NCKAP5: variants seen among roughly 807,000 people sequenced by gnomAD.
NCKAP5 encodes NCK associated protein 5, also known as nck-associated protein 5.
A neutral mutation model predicts 167.0 loss-of-function variants in NCKAP5; 92 were observed. The ratio of observed to expected loss-of-function variants is 0.55; its 90% CI spans 0.47 to 0.66. The LOEUF is 0.66. NCKAP5 is among the 30% of genes least tolerant of loss of function. NCKAP5 has a pLI of 0.00. For missense variants in NCKAP5, 2,378 were observed against 2,315.0 expected, an observed-to-expected ratio of 1.03 and a Z score of -0.56; for synonymous variants, 891 against 877.4, an observed-to-expected ratio of 1.02 and a Z score of -0.27.
At chr2:133,249,746 A>G (rs946036768) in intron 4 of NCKAP5, among the ~76,000 whole-genome samples, 34 of 152,154 alleles carry the variant, frequency 2.2e-4, no homozygotes, top group African/African-American at 7.7e-4. Context: ...CTTGAAACCA[A>G]TAACTACAAA....
At chr2:133,048,889 T>C (rs2079501910) in intron 6 of NCKAP5, among the ~76,000 whole-genome samples, 1 of 152,168 alleles carries the variant, frequency 6.6e-6, no homozygotes, top group South Asian at 2.1e-4. Context: ...AGTGTAATCA[T>C]TGGATAAAAG....
Position 133,276,454 on chromosome 2 carries a change from T to C in NCKAP5, c.143+26583A>G, listed in dbSNP as rs556484512. On this transcript the variant is annotated intron_variant, in intron 4 of 19. Transcript: ENST00000409261. The stretch of plus-strand genomic sequence containing the variant: ...TTAAGAGGCAACTTTATAGACGTCA[T>C]ATACATGGAAAAAACTTGAAAACAT... Among the ~76,000 whole-genome samples the C allele has an allele frequency of 1.9e-3, 293 of 152,120 alleles. 1 individual carries two copies. The highest frequency in any genetic ancestry group is 6.8e-3 in the African/African-American group (281 of 41,532).
At chr2:133,087,141 T>C (rs537033267) in intron 6 of NCKAP5, among the ~76,000 whole-genome samples, 1 of 152,214 alleles carries the variant, frequency 6.6e-6, no homozygotes, top group Non-Finnish European at 1.5e-5. Context: ...TTCCTTCTGA[T>C]ACCAAGTTCC....
intron 3 of NCKAP5, among the ~76,000 whole-genome samples, chr2:133,468,921 G>T (rs1692820557): frequency 6.6e-6 from 1 of 152,142 alleles, no homozygotes. Flanking sequence ...CGTAAGATGG[G>T]TTTCCTGAAT....
At chr2:133,239,503 G>A (rs979679388) in intron 4 of NCKAP5, among the ~76,000 whole-genome samples, 1 of 152,132 alleles carries the variant, frequency 6.6e-6, no homozygotes, top group African/African-American at 2.4e-5. Context: ...ACTCTATACA[G>A]GAAGTAGAAA....
In NCKAP5 at chr2:132,728,816, C is replaced by G; in HGVS notation, c.5580G>C (p.Gln1860His). The change falls in exon 18 of 20, where the codon CAG (glutamine) becomes CAC (histidine). Residue 1860 changes from glutamine to histidine, a missense_variant and splice_region_variant. Gln to His is a conservative substitution (Grantham distance 24). Coordinates refer to ENST00000409261, the MANE Select transcript of NCKAP5 (RefSeq NM_207363.3). The part of the protein sequence containing the change: ...WGSEVAATGT[Q>H]DKAPRMCTYS... ...CCCTTCACCTCCCCCGACCCCTCACCTGGGTCCCGGTGGCAGCAACTTCAC... is the reference window on the plus strand; with the variant it reads ...CCCTTCACCTCCCCCGACCCCTCACGTGGGTCCCGGTGGCAGCAACTTCAC... 6.2e-7 allele frequency: 1 copy of G among 1,613,780 alleles called. No homozygotes were observed. The highest frequency in any genetic ancestry group is 8.5e-7 in the Non-Finnish European group (1 of 1,179,800).
intron 16 of NCKAP5, among the ~76,000 whole-genome samples, chr2:132,755,030 T>C (rs1432264830): frequency 1.3e-5 from 2 of 152,240 alleles, no homozygotes; most frequent in Non-Finnish European, 2.9e-5. Context: ...ATTTAGTAAC[T>C]GAAGTGAACT....
chr2:133,182,730 C>T (rs185834541), intron 5 of NCKAP5, among the ~76,000 whole-genome samples: 2 of 151,896 alleles, frequency 1.3e-5, no homozygotes, highest in African/African-American at 4.8e-5. Context: ...CAACTAAATC[C>T]AAAGATGTAG....
intron 4 of NCKAP5, among the ~76,000 whole-genome samples, chr2:133,270,717 G>T (rs1362503557): frequency 6.6e-6 from 1 of 151,992 alleles, no homozygotes; most frequent in Non-Finnish European, 1.5e-5. Flanking sequence ...GCTTGCATAG[G>T]GTGTAACCTT....
At chr2:133,007,275 A>C (rs1409694030) in intron 6 of NCKAP5, among the ~76,000 whole-genome samples, 1 of 152,200 alleles carries the variant, frequency 6.6e-6, no homozygotes, top group Non-Finnish European at 1.5e-5. Context: ...AATGCTATAT[A>C]TGTTGATACT....
At chr2:133,314,964 G>C (rs920746385) in intron 3 of NCKAP5, among the ~76,000 whole-genome samples, 3 of 152,180 alleles carry the variant, frequency 2.0e-5, no homozygotes, top group Admixed American at 6.5e-5. Flanking sequence ...ATGTGTGCCG[G>C]CATGCTGCAG....
chr2:132,784,219 G>C lies in NCKAP5; in HGVS notation c.2592C>G (p.His864Gln), dbSNP rs368192716. Residue 864 changes from histidine to glutamine, a missense_variant, in exon 14 of 20, where the codon CAC becomes CAG. Physicochemically the swap from His to Gln is conservative, Grantham distance 24 (BLOSUM62 0). Around this residue, in one of 3 missense-constraint regions of NCKAP5, gnomAD observed 1,049 missense variants for 1,023.4 expected, o/e 1.02. Transcript: ENST00000409261. Reference sequence around the variant, plus strand: ...GAAGTTGGGCGGAATGTTTTGGAATGTGTGGATCTGATCGTAATTCAAAGA... The same window carrying C: ...GAAGTTGGGCGGAATGTTTTGGAATCTGTGGATCTGATCGTAATTCAAAGA... The part of the protein sequence containing the change: ...GPLFELRSDP[H>Q]IPKHSAQLPH... The C allele has an allele frequency of 7.0e-5, 112 of 1,593,844 alleles. No individual in the cohort carries two copies. Among genetic ancestry groups the C allele is most frequent in the East Asian group, 5.6e-4 (25 of 44,792 alleles).
At chr2:132,741,264 G>C (rs111354496) in intron 16 of NCKAP5, among the ~76,000 whole-genome samples, 1 of 151,954 alleles carries the variant, frequency 6.6e-6, no homozygotes, top group African/African-American at 2.4e-5. Flanking sequence ...ATTTTTGCAA[G>C]TTTTTATAAT....
intron 2 of NCKAP5, among the ~76,000 whole-genome samples, chr2:133,540,493 C>T (rs4953885): frequency 0.011 from 1,725 of 152,166 alleles, 17 homozygotes; most frequent in South Asian, 0.024. Context: ...TAAAAACACA[C>T]GTTTTTACCT....
chr2:133,533,555 A>C (rs148584167), intron 2 of NCKAP5, among the ~76,000 whole-genome samples: 114 of 152,332 alleles, frequency 7.5e-4, no homozygotes, highest in South Asian at 1.5e-3. Context: ...ACACAAAAAA[A>C]CTAGGTACAG....
At chr2:132,972,260 C>T (rs2076856870) in intron 7 of NCKAP5, among the ~76,000 whole-genome samples, 1 of 152,148 alleles carries the variant, frequency 6.6e-6, no homozygotes, top group African/African-American at 2.4e-5. Context: ...AGTTCTGAGA[C>T]TCTGGGGCTC....
the NCKAP5 span, among the ~76,000 whole-genome samples, chr2:133,594,099 T>C: frequency 6.6e-6 from 1 of 152,210 alleles, no homozygotes; most frequent in African/African-American, 2.4e-5. Context: ...TTCAGCGTGG[T>C]GGGACCATCA....
intron 3 of NCKAP5, among the ~76,000 whole-genome samples, chr2:133,417,660 C>T (rs1689205548): frequency 6.6e-6 from 1 of 152,144 alleles, no homozygotes; most frequent in Admixed American, 6.5e-5. Flanking sequence ...GGGCCTCCAA[C>T]AGGATGATTC....
intron 4 of NCKAP5, among the ~76,000 whole-genome samples, chr2:133,222,760 G>C (rs2086710762): frequency 6.6e-6 from 1 of 152,174 alleles, no homozygotes; most frequent in South Asian, 2.1e-4. Flanking sequence ...TGGAAAGCAT[G>C]CCTATTATCC....
Sources: allele counts gnomAD v4.1 joint callset (sites outside exome capture counted in the v4.1 genomes callset), GRCh38; gene constraint gnomAD v4.1.1; regional missense constraint gnomAD v4.1.1; transcripts MANE v1.5; gene names NCBI Gene and HGNC (gene_info 2026-07-23, HGNC 2026-07-21).